The following SLC35A1 variants were observed in gnomAD, a reference collection of about 807,000 sequenced individuals.
The protein encoded by SLC35A1 is solute carrier family 35 member A1, also known as CMP-sialic acid transporter.
In SLC35A1, 21 loss-of-function variants were observed where a neutral mutation model predicts 40.3. The ratio of observed to expected loss-of-function variants is 0.52; its 90% CI spans 0.37 to 0.75. The LOEUF (loss-of-function observed/expected upper bound fraction) is 0.75. Among genes scored for constraint, SLC35A1 ranks in the 30% least tolerant of loss-of-function variants. The pLI is 0.00. For synonymous variants in SLC35A1, 146 were observed against 147.3 expected (o/e 0.99, Z 0.06); for missense variants, 297 against 382.1 (o/e 0.78, Z 1.86).
intron 5 of SLC35A1, among the ~76,000 whole-genome samples, 194 bp downstream of exon 5, chr6:87,506,642 C>A (rs181960789): frequency 6.9e-4 from 105 of 152,234 alleles, no homozygotes; most frequent in Non-Finnish European, 1.3e-3. Flanking sequence ...AGACTCAGTC[C>A]CTATTCATAC....
At chr6:87,490,092 G>A (rs1769503181) in intron 2 of SLC35A1, among the ~76,000 whole-genome samples, 2 of 151,720 alleles carry the variant, frequency 1.3e-5, no homozygotes, top group Admixed American at 1.3e-4. Context: ...AGCTGGGTGT[G>A]GTGGTGTGCA....
At position 87,509,130 on chromosome 6, in the gene SLC35A1, G is replaced by C; in HGVS notation, c.841G>C (p.Val281Leu). The C allele has an allele frequency of 6.2e-7, 1 of 1,614,136 alleles. No homozygotes were observed. Among genetic ancestry groups the C allele is most frequent in the Non-Finnish European group, 8.5e-7 (1 of 1,179,974 alleles). ...AGGCTTTTCTGCAGCAGCGGCCATT[G>C]TCCTTTCCACCATTGCTTCAGTAAT... The part of the protein sequence containing the change: ...MKGFSAAAAI[V>L]LSTIASVMLF... Residue 281 changes from valine (V) to leucine (L), a missense_variant, in exon 7 of 8, where the codon GTC (valine) becomes CTC (leucine). Physicochemically the swap from Val to Leu is conservative, Grantham distance 32. Coordinates refer to ENST00000369552, the MANE Select transcript of SLC35A1 (RefSeq NM_006416.5).
intron 4 of SLC35A1, among the ~76,000 whole-genome samples, chr6:87,502,336 A>C (rs2300908): frequency 0.39 from 58,550 of 152,016 alleles, 11,352 homozygotes; most frequent in Admixed American, 0.46. Flanking sequence ...CTTTGTTCTG[A>C]ATACCGGAGA....
chr6:87,510,641 G>C (rs926124059), intron 7 of SLC35A1, among the ~76,000 whole-genome samples: 1 of 152,154 alleles, frequency 6.6e-6, no homozygotes, highest in African/African-American at 2.4e-5. Flanking sequence ...CCAGCACTTT[G>C]GGAGGCTGAG....
At chr6:87,487,008 C>T (rs1769410467) in intron 2 of SLC35A1, among the ~76,000 whole-genome samples, 1 of 151,998 alleles carries the variant, frequency 6.6e-6, no homozygotes, top group South Asian at 2.1e-4. Context: ...AAAACCCCAT[C>T]TCTACTAAAA....
rs1358363106 is a variant in SLC35A1 at position 87,512,118 on chromosome 6, T to TACTCA, written c.*592_*593insACTCA. 1.3e-5 allele frequency: 2 copies of TACTCA among 158,444 alleles called. No homozygotes were observed. Among genetic ancestry groups the TACTCA allele is most frequent in the Admixed American group, 1.2e-4 (2 of 16,836 alleles). 9.8% of individuals were successfully genotyped at this position (158,444 alleles called of 1,614,324 possible). On this transcript the variant is annotated 3_prime_UTR_variant, in exon 8 of 8. Transcript: ENST00000369552. ...GGGTGGTGACTGAGTACCCCTTTAG[T>TACTCA]GAGTACCCCTTTAGTGCTATATTTG...
In SLC35A1 at chr6:87,503,372, T is replaced by G. The variant is rs536446616; in HGVS notation, c.507+2062T>G. ...GTTGGTATTGGTTGATGGCCTAGCTTGATTTTGTTCAATTAACTACCATTT... is the reference window on the plus strand; with the variant it reads ...GTTGGTATTGGTTGATGGCCTAGCTGGATTTTGTTCAATTAACTACCATTT... On this transcript the variant is annotated intron_variant, in intron 4 of 7. Transcript: ENST00000369552. Among the ~76,000 whole-genome samples the G allele has an allele frequency of 7.2e-5, 11 of 152,334 alleles. No homozygotes were observed. The East Asian group carries it at 2.1e-3, about 29-fold the overall frequency.
intron 2 of SLC35A1, among the ~76,000 whole-genome samples, chr6:87,484,489 C>A (rs1184716045): frequency 6.6e-6 from 1 of 152,152 alleles, no homozygotes; most frequent in African/African-American, 2.4e-5. Flanking sequence ...ATGCACGTGG[C>A]CCCTGCTGCT....
intron 4 of SLC35A1, among the ~76,000 whole-genome samples, chr6:87,502,038 C>G (rs991856070): frequency 2.6e-5 from 4 of 152,134 alleles, no homozygotes; most frequent in Non-Finnish European, 4.4e-5. Context: ...TTTTAGCAAA[C>G]AGACTATGGT....
At chr6:87,485,176 T>A (rs918193312) in intron 2 of SLC35A1, among the ~76,000 whole-genome samples, 6 of 152,154 alleles carry the variant, frequency 3.9e-5, no homozygotes, top group Non-Finnish European at 5.9e-5. Flanking sequence ...AGAAAATAAT[T>A]GTTACAAAAA....
intron 3 of SLC35A1, 40 bp from the exon 4 acceptor site, chr6:87,501,118 A>G (rs1345342360): frequency 6.7e-7 from 1 of 1,500,760 alleles, no homozygotes; most frequent in Non-Finnish European, 9.3e-7. Context: ...ATCAGAGACT[A>G]ACATTAACTG....
At position 87,500,357 on chromosome 6, in the gene SLC35A1, T is replaced by C. The variant is rs574201746; in HGVS notation, c.195-151T>C. 5.3e-6 allele frequency: 4 copies of C among 756,182 alleles called. No individual in the cohort carries two copies. The African/African-American group carries it at 7.0e-5, about 13-fold the overall frequency. 46.8% of individuals were successfully genotyped at this position (756,182 alleles called of 1,614,324 possible). A position where few individuals can be genotyped will look rare whatever the true frequency, so the allele number is the denominator to read the frequency against. On this transcript the variant is annotated intron_variant, in intron 2 of 7. Coordinates refer to ENST00000369552, the MANE Select transcript of SLC35A1 (RefSeq NM_006416.5). ...AAAGAGGATACATTATTGGTATGTT[T>C]CTTTTAATCTAAAACTAGTTAGAAA... is the stretch of plus-strand genomic sequence containing the variant.
At chr6:87,510,906 G>A (rs546082841) in intron 7 of SLC35A1, among the ~76,000 whole-genome samples, 7 of 151,808 alleles carry the variant, frequency 4.6e-5, no homozygotes, top group Admixed American at 1.3e-4. Flanking sequence ...GTTAAGACTA[G>A]TAGGAAATGT....
At chr6:87,478,216 A>G (rs1365333131) in intron 2 of SLC35A1, among the ~76,000 whole-genome samples, 5 of 152,220 alleles carry the variant, frequency 3.3e-5, no homozygotes, top group Non-Finnish European at 7.3e-5. Flanking sequence ...AGGATGTGGT[A>G]TAAGAGAGGG....
intron 2 of SLC35A1, among the ~76,000 whole-genome samples, chr6:87,492,086 G>A (rs1049509599): frequency 6.6e-6 from 1 of 152,098 alleles, no homozygotes; most frequent in African/African-American, 2.4e-5. Context: ...ATGCTTCTTT[G>A]TCCCTAACGT....
chr6:87,476,823 A>G (rs1219160537), intron 1 of SLC35A1, among the ~76,000 whole-genome samples: 1 of 151,636 alleles, frequency 6.6e-6, no homozygotes, highest in Admixed American at 6.6e-5. Context: ...GTCAGGAGTT[A>G]GACACCAGCC....
chr6:87,508,863 C>T (rs895489495), intron 6 of SLC35A1, among the ~76,000 whole-genome samples, 178 bp from the exon 7 acceptor site: 1 of 141,040 alleles, frequency 7.1e-6, no homozygotes, highest in African/African-American at 2.7e-5. Context: ...TTTGGAAAAA[C>T]AGTGTTATAT....
chr6:87,473,677 G>A (rs1768985830), intron 1 of SLC35A1, among the ~76,000 whole-genome samples: 2 of 152,190 alleles, frequency 1.3e-5, no homozygotes, highest in Admixed American at 1.3e-4. Flanking sequence ...GGCACATTCG[G>A]GTGAAGGCGT....
intron 2 of SLC35A1, among the ~76,000 whole-genome samples, chr6:87,490,994 A>T (rs1769534682): frequency 6.6e-6 from 1 of 152,186 alleles, no homozygotes; most frequent in Non-Finnish European, 1.5e-5. Flanking sequence ...CAGAGGGTGA[A>T]AGTGTTAAGG....
Sources: gnomAD v4.1 joint callset for allele counts (sites outside exome capture counted in the v4.1 genomes callset) on GRCh38, gnomAD v4.1.1 for gene constraint, MANE v1.5 for transcripts, NCBI Gene and HGNC (gene_info 2026-07-23, HGNC 2026-07-21) for gene names.